Variants in IL34 observed in about 807,000 individuals in gnomAD.
The protein encoded by IL34 is interleukin-34.
IL34 carries 17 observed loss-of-function variants against 25.3 expected under a neutral mutation model. That is an observed-to-expected ratio of 0.67 (90% CI 0.46 to 1.01). The LOEUF (loss-of-function observed/expected upper bound fraction) is 1.01. IL34 is among the 50% of genes least tolerant of loss of function. The probability of loss-of-function intolerance (pLI) is 0.00; values close to 1 mark genes in which losing one functional copy is unlikely to be tolerated. For missense variants in IL34, 368 were observed against 312.9 expected, an observed-to-expected ratio of 1.18 and a Z score of -1.33; for synonymous variants, 174 against 140.9, an observed-to-expected ratio of 1.23 and a Z score of -1.66.
Position 70,633,716 on chromosome 16 carries a change from C to T in IL34, c.-400-12832C>T, listed in dbSNP as rs75600595. On this transcript the variant is annotated intron_variant, in intron 1 of 6. Coordinates refer to the IL34 transcript ENST00000429149. ...ATCCAAGATCAAGGTGTTGGCAAGC[C>T]CATGATCTCTGTGAAGGCTTGAGGG... Among the ~76,000 whole-genome samples, 319 of 152,248 alleles carry T rather than the reference C, an allele frequency of 2.1e-3. 6 individuals are homozygous for T. The East Asian group carries it at 0.054, about 26-fold the overall frequency.
At chr16:70,646,390 G>A (rs1049954800), upstream of IL34, among the ~76,000 whole-genome samples, 12 of 152,138 alleles carry the variant, frequency 7.9e-5, no homozygotes, top group East Asian at 1.9e-4. Context: ...GGCCAGGGCC[G>A]TTCGGACATC....
chr16:70,623,743 A>G (rs111288918), intron 1 of IL34, among the ~76,000 whole-genome samples: 1 of 151,734 alleles, frequency 6.6e-6, no homozygotes, highest in African/African-American at 2.4e-5. Flanking sequence ...GGAAGCAGAT[A>G]ATTTAGTTAA....
rs112978213 is a variant in IL34 at position 70,659,861 on chromosome 16, C to T, written c.538+108C>T. The stretch of plus-strand genomic sequence containing the variant: ...CCTCCCGGGCATATCCTCTGCTCCC[C>T]GGGGCTACAAGCCATTTCTGGAAGC... On this transcript the variant is annotated intron_variant, in intron 5 of 5. Coordinates refer to ENST00000288098, the MANE Select transcript of IL34 (RefSeq NM_001393494.1). The T allele has an allele frequency of 1.6e-3, 2,321 of 1,490,624 alleles. 35 individuals carry two copies. In the African/African-American group the frequency reaches 0.029, roughly 18 times the overall value. 92.3% of individuals were successfully genotyped at this position (1,490,624 alleles called of 1,614,324 possible).
chr16:70,587,822 T>TA (rs2050712630), intron 1 of IL34, among the ~76,000 whole-genome samples: 1 of 151,840 alleles, frequency 6.6e-6, no homozygotes, highest in South Asian at 2.1e-4. Context: ...GCAGATCACT[T>TA]GAGGCCAAGA....
chr16:70,612,312 C>T (rs1414963091), intron 1 of IL34, among the ~76,000 whole-genome samples: 1 of 91,026 alleles, frequency 1.1e-5, no homozygotes, highest in Non-Finnish European at 2.7e-5. Context: ...AGCCTGAAAG[C>T]ACTGGGGGCT....
upstream of IL34, among the ~76,000 whole-genome samples, chr16:70,644,967 A>G (rs2051886817): frequency 1.6e-5 from 2 of 124,872 alleles, no homozygotes; most frequent in Admixed American, 7.5e-5. Context: ...AGGAGGAAGG[A>G]GGAAGAGAAA....
upstream of IL34, among the ~76,000 whole-genome samples, chr16:70,642,174 T>A (rs1205882018): frequency 5.3e-5 from 8 of 152,084 alleles, no homozygotes; most frequent in African/African-American, 1.9e-4. Flanking sequence ...TTCCCTTGGG[T>A]TGCAGATGGC....
At chr16:70,646,034 CAG>C (rs369272060), upstream of IL34, among the ~76,000 whole-genome samples, 147 of 152,282 alleles carry the variant, frequency 9.7e-4, 2 homozygotes, top group African/African-American at 3.1e-3. Flanking sequence ...GCCTGGATGA[CAG>C]AGTCTGAGAC....
intron 1 of IL34, among the ~76,000 whole-genome samples, chr16:70,610,193 CT>C (rs111374302): frequency 1.3e-5 from 2 of 148,316 alleles, no homozygotes; most frequent in African/African-American, 5.1e-5. Flanking sequence ...AAGAGCGAGA[CT>C]CTATCTCAGA....
At chr16:70,634,498 G>GGT (rs748998807) in intron 1 of IL34, among the ~76,000 whole-genome samples, 41 of 152,068 alleles carry the variant, frequency 2.7e-4, no homozygotes, top group Non-Finnish European at 5.1e-4. Context: ...TGACCAACAA[G>GGT]GTGAAACCCC....
chr16:70,585,679 A>C, intron 1 of IL34, among the ~76,000 whole-genome samples: 1 of 147,490 alleles, frequency 6.8e-6, no homozygotes, highest in African/African-American at 2.5e-5. Context: ...ACAGAGGGAG[A>C]CTCTGTCTTA....
At chr16:70,656,495 G>A (rs2052222234) in intron 2 of IL34, 107 bp from the exon 3 acceptor site, 1 of 773,728 alleles carries the variant, frequency 1.3e-6, no homozygotes, top group East Asian at 2.5e-5. Flanking sequence ...CTCCATACTG[G>A]GTGACAGAGT....
intron 1 of IL34, among the ~76,000 whole-genome samples, chr16:70,601,755 G>C (rs1299305858): frequency 6.6e-6 from 1 of 152,200 alleles, no homozygotes; most frequent in Non-Finnish European, 1.5e-5. Context: ...GCAGCCCCAG[G>C]TGGGATGGGG....
intron 1 of IL34, among the ~76,000 whole-genome samples, chr16:70,631,984 C>T (rs912075016): frequency 6.6e-6 from 1 of 151,654 alleles, no homozygotes; most frequent in African/African-American, 2.4e-5. Context: ...ACCTGTAATC[C>T]CAGCTACTTG....
upstream of IL34, among the ~76,000 whole-genome samples, chr16:70,645,854 A>C (rs2051913821): frequency 6.6e-6 from 1 of 152,070 alleles, no homozygotes; most frequent in Non-Finnish European, 1.5e-5. Context: ...GGAGTTTGAG[A>C]CTAGCCTGGC....
intron 1 of IL34, among the ~76,000 whole-genome samples, chr16:70,584,729 C>G (rs1436268418): frequency 6.6e-6 from 1 of 151,858 alleles, no homozygotes; most frequent in Non-Finnish European, 1.5e-5. Flanking sequence ...GAGATGGAGC[C>G]TTGGTCTGTC....
chr16:70,638,827 T>C (rs1466543419), intron 1 of IL34, among the ~76,000 whole-genome samples: 1 of 152,140 alleles, frequency 6.6e-6, no homozygotes, highest in African/African-American at 2.4e-5. Context: ...AGCGATCCTC[T>C]TGCCTCAGCC....
At chr16:70,652,133 A>C (rs914052686) in intron 1 of IL34, among the ~76,000 whole-genome samples, 14 of 151,544 alleles carry the variant, frequency 9.2e-5, no homozygotes, top group Non-Finnish European at 1.3e-4. Flanking sequence ...GTCTCAAAAA[A>C]AAAATAAATA....
chr16:70,655,532 C>G (rs1158988702), intron 2 of IL34, among the ~76,000 whole-genome samples: 1 of 151,590 alleles, frequency 6.6e-6, no homozygotes, highest in South Asian at 2.1e-4. Flanking sequence ...GGACTACAGG[C>G]ATGCACCACC....
Sources: gnomAD v4.1 joint callset for allele counts (sites outside exome capture counted in the v4.1 genomes callset) on GRCh38, gnomAD v4.1.1 for gene constraint, MANE v1.5 for transcripts, NCBI Gene and HGNC (gene_info 2026-07-23, HGNC 2026-07-21) for gene names.